Variants in THSD7B observed in about 807,000 individuals in gnomAD.
THSD7B encodes the protein thrombospondin type-1 domain-containing protein 7B.
In THSD7B, 138 loss-of-function variants were observed where a neutral mutation model predicts 213.6. The observed-to-expected ratio is 0.65, with a 90% confidence interval of 0.56 to 0.74. The LOEUF (loss-of-function observed/expected upper bound fraction) is 0.74. Among genes scored for constraint, THSD7B ranks in the 30% least tolerant of loss-of-function variants. The probability of loss-of-function intolerance (pLI) is 0.00; values close to 1 mark genes in which losing one functional copy is unlikely to be tolerated. For synonymous variants in THSD7B, 742 were observed against 687.0 expected (o/e 1.08, Z -1.25); for missense variants, 1,931 against 1,991.5 (o/e 0.97, Z 0.58).
intron 10 of THSD7B, among the ~76,000 whole-genome samples, chr2:137,252,354 A>T (rs1209265520): frequency 2.0e-5 from 3 of 152,080 alleles, no homozygotes; most frequent in African/African-American, 7.2e-5. Flanking sequence ...ATGTAAGAAA[A>T]AAAACCCTAT....
chr2:136,799,370 A>T (rs1441907616), intron 1 of THSD7B, among the ~76,000 whole-genome samples: 1 of 152,014 alleles, frequency 6.6e-6, no homozygotes, highest in African/African-American at 2.4e-5. Context: ...AGAACCATTG[A>T]TTAGAGCCTA....
At chr2:137,369,046 C>A (rs2104946911) in intron 12 of THSD7B, among the ~76,000 whole-genome samples, 1 of 144,772 alleles carries the variant, frequency 6.9e-6, no homozygotes, top group Admixed American at 7.4e-5. Context: ...ACTTTCACAC[C>A]CAAGCCACTT....
At chr2:137,090,181 CATTT>C (rs1383012958) in intron 3 of THSD7B, among the ~76,000 whole-genome samples, 1 of 151,630 alleles carries the variant, frequency 6.6e-6, no homozygotes, top group Non-Finnish European at 1.5e-5. Flanking sequence ...AAGTATAAAA[CATTT>C]ATACTTATTA....
chr2:137,093,924 T>A (rs1687995444), intron 3 of THSD7B, among the ~76,000 whole-genome samples: 1 of 152,192 alleles, frequency 6.6e-6, no homozygotes, highest in Non-Finnish European at 1.5e-5. Flanking sequence ...TTTTATTTAT[T>A]TACCTTTTTC....
intron 2 of THSD7B, among the ~76,000 whole-genome samples, chr2:136,984,934 C>T (rs966662164): frequency 2.6e-5 from 4 of 152,102 alleles, no homozygotes; most frequent in African/African-American, 7.2e-5. Context: ...ACTTAGCTGC[C>T]TTGTGTTTGT....
intron 20 of THSD7B, 97 bp downstream of exon 20, chr2:137,620,823 G>A: frequency 2.0e-6 from 2 of 1,003,470 alleles, no homozygotes; most frequent in Middle Eastern, 2.3e-4. Flanking sequence ...ATGGGACCCA[G>A]CTGAAGTCAA....
chr2:137,529,867 G>A (rs972190458), intron 15 of THSD7B, among the ~76,000 whole-genome samples: 1 of 151,916 alleles, frequency 6.6e-6, no homozygotes, highest in Non-Finnish European at 1.5e-5. Flanking sequence ...CCATGTATTT[G>A]AAATTTAAGT....
intron 15 of THSD7B, among the ~76,000 whole-genome samples, chr2:137,475,890 C>G (rs573722469): frequency 6.6e-6 from 1 of 152,204 alleles, no homozygotes; most frequent in South Asian, 2.1e-4. Context: ...TGAGAAATCT[C>G]CATATCGTTT....
intron 20 of THSD7B, among the ~76,000 whole-genome samples, chr2:137,624,219 A>T (rs180699696): frequency 0.027 from 4,139 of 152,280 alleles, 182 homozygotes; most frequent in African/African-American, 0.095. Flanking sequence ...CAAAAACAAG[A>T]AATGGGAAAA....
Position 137,582,987 on chromosome 2 carries a change from C to T in THSD7B, c.3423+10431C>T, listed in dbSNP as rs570428590. On this transcript the variant is annotated intron_variant, in intron 17 of 27. Coordinates refer to ENST00000409968, the MANE Select transcript of THSD7B (RefSeq NM_001316349.2). ...TAAAAGTGTTCCTATTTCTCCACAT[C>T]CTCTCCAGCACCTGTTGTTTCCTGA... 9.2e-5 allele frequency among the ~76,000 whole-genome samples: 14 copies of T among 152,296 alleles called. No individual in the cohort carries two copies. The South Asian group carries it at 2.5e-3, about 27-fold the overall frequency.
At chr2:137,553,610 G>A (rs1680893582) in intron 15 of THSD7B, among the ~76,000 whole-genome samples, 1 of 152,166 alleles carries the variant, frequency 6.6e-6, no homozygotes, top group Admixed American at 6.5e-5. Context: ...ATGAAATGTT[G>A]CCTCTCTCAG....
intron 17 of THSD7B, among the ~76,000 whole-genome samples, chr2:137,613,751 G>C (rs1682330040): frequency 6.6e-6 from 1 of 151,992 alleles, no homozygotes; most frequent in African/African-American, 2.4e-5. Flanking sequence ...GAGGAGTCTT[G>C]ATCTAATAAA....
chr2:136,890,708 T>G (rs968424136), intron 2 of THSD7B, among the ~76,000 whole-genome samples: 2 of 150,086 alleles, frequency 1.3e-5, no homozygotes, highest in African/African-American at 4.9e-5. Flanking sequence ...CCAGGCTAAG[T>G]TTTTGTATTT....
chr2:137,508,343 G>A (rs1457117774), intron 15 of THSD7B, among the ~76,000 whole-genome samples: 3 of 147,308 alleles, frequency 2.0e-5, no homozygotes, highest in East Asian at 4.1e-4. Flanking sequence ...GGGCTCAAGT[G>A]ATTCTCCTGC....
intron 1 of THSD7B, among the ~76,000 whole-genome samples, chr2:136,870,759 A>G (rs1339002605): frequency 1.3e-5 from 2 of 152,234 alleles, no homozygotes; most frequent in African/African-American, 4.8e-5. Flanking sequence ...GAGACTGGTG[A>G]GAAAGGAGGA....
At chr2:137,284,076 A>C (rs771654976) in intron 12 of THSD7B, among the ~76,000 whole-genome samples, 1 of 152,024 alleles carries the variant, frequency 6.6e-6, no homozygotes, top group African/African-American at 2.4e-5. Context: ...TCAATTTCAG[A>C]GCCTGTTATT....
intron 7 of THSD7B, among the ~76,000 whole-genome samples, chr2:137,226,886 T>C (rs1156526218): frequency 6.8e-6 from 1 of 146,794 alleles, no homozygotes; most frequent in African/African-American, 2.4e-5. Context: ...ATACATACAA[T>C]GGAATATTGT....
At chr2:137,188,554 G>A (rs1680597574) in intron 7 of THSD7B, among the ~76,000 whole-genome samples, 1 of 152,194 alleles carries the variant, frequency 6.6e-6, no homozygotes, top group Admixed American at 6.5e-5. Context: ...CATTACCATA[G>A]AAAGGGCTGC....
At chr2:137,331,146 A>G (rs927028213) in intron 12 of THSD7B, among the ~76,000 whole-genome samples, 1 of 139,758 alleles carries the variant, frequency 7.2e-6, no homozygotes, top group South Asian at 2.1e-4. Flanking sequence ...TGAGCTAGAC[A>G]TAAATGTTCT....
Sources: gnomAD v4.1 joint callset for allele counts (sites outside exome capture counted in the v4.1 genomes callset) on GRCh38, gnomAD v4.1.1 for gene constraint, MANE v1.5 for transcripts, NCBI Gene and HGNC (gene_info 2026-07-23, HGNC 2026-07-21) for gene names.